Variants in PRDM15 observed in about 807,000 individuals in gnomAD.
PRDM15 encodes the protein PR domain zinc finger protein 15.
In PRDM15, 64 loss-of-function variants were observed where a neutral mutation model predicts 128.6. The observed-to-expected ratio is 0.50, with a 90% CI of 0.41 to 0.61. The LOEUF is 0.61. Ranked by LOEUF, PRDM15 falls within the 20% of genes least tolerant of loss-of-function variation. PRDM15 has a pLI of 0.00. For missense variants in PRDM15, 1,242 were observed against 1,569.1 expected (o/e 0.79, Z 3.52); for synonymous variants, 615 against 621.8 (o/e 0.99, Z 0.16).
chr21:41,831,301 T>G (rs2062682794), intron 11 of PRDM15, among the ~76,000 whole-genome samples: 1 of 152,228 alleles, frequency 6.6e-6, no homozygotes, highest in Non-Finnish European at 1.5e-5. Flanking sequence ...GGCCAGATCC[T>G]TTGTTGTGGG....
chr21:41,831,029 G>A (rs891518246), intron 11 of PRDM15, among the ~76,000 whole-genome samples: 2 of 152,234 alleles, frequency 1.3e-5, no homozygotes, highest in Non-Finnish European at 2.9e-5. Context: ...TCCCTGTGTC[G>A]CCAACGTGGG....
At position 41,801,425 on chromosome 21, in the gene PRDM15, G is replaced by A. The variant is rs769820638; in HGVS notation, c.3241C>T (p.Leu1081=). ...GTGATGGAGTTGACCAGGGTCGTCA[G>A]GTTGATGAAATGGGCCACAGACTGT... is the stretch of plus-strand genomic sequence containing the variant. The part of the protein sequence containing the change: ...NPQSVAHFIN[L]TTLVNSITPL... Residue 1081 remains leucine, a synonymous_variant, in exon 24 of 24, where the codon CTG becomes TTG. Coordinates refer to ENST00000398548, the MANE Select transcript of PRDM15 (RefSeq NM_001040424.3). 1.3e-5 allele frequency: 21 copies of A among 1,614,056 alleles called. No individual in the cohort carries two copies. The highest frequency in any genetic ancestry group is 1.7e-5 in the Non-Finnish European group (20 of 1,180,004).
chr21:41,819,519 C>T, intron 18 of PRDM15, 63 bp downstream of exon 18: 1 of 1,370,810 alleles, frequency 7.3e-7, no homozygotes, highest in Non-Finnish European at 9.8e-7. Context: ...ATGTCCCCTT[C>T]CAGCACCCTG....
intron 5 of PRDM15, among the ~76,000 whole-genome samples, chr21:41,853,643 CAA>C (rs934282091): frequency 6.6e-6 from 1 of 152,208 alleles, no homozygotes; most frequent in African/African-American, 2.4e-5. Flanking sequence ...GCTTGATGGG[CAA>C]AGTGATGCCC....
intron 1 of PRDM15, among the ~76,000 whole-genome samples, chr21:41,874,518 TA>T (rs764679481): frequency 0.076 from 5,938 of 78,574 alleles, 156 homozygotes; most frequent in South Asian, 0.11. Flanking sequence ...TATATATATA[TA>T]TATATATTTT....
intron 1 of PRDM15, among the ~76,000 whole-genome samples, chr21:41,868,840 C>T (rs1231138663): frequency 6.6e-6 from 1 of 151,848 alleles, no homozygotes; most frequent in Non-Finnish European, 1.5e-5. Flanking sequence ...CAGGTGCCCA[C>T]CACCATGCCC....
Position 41,859,539 on chromosome 21 carries a change from C to T in PRDM15, c.131+53G>A, listed in dbSNP as rs1601430808. On this transcript the variant is annotated intron_variant, in intron 3 of 23. Coordinates refer to ENST00000398548, the MANE Select transcript of PRDM15 (RefSeq NM_001040424.3). The surrounding 1 kb of genome is among the most constrained non-coding windows in gnomAD (Gnocchi z 5.3). ...GTCTGCAGACCCAAAGGCCACTAGG[C>T]TCCTGCCGCAGCTGGCATATGGAAG... The T allele has an allele frequency of 6.9e-7, 1 of 1,458,336 alleles. No individual in the cohort carries two copies. Among genetic ancestry groups the T allele is most frequent in the Non-Finnish European group, 9.6e-7 (1 of 1,045,648 alleles). 90.3% of individuals were successfully genotyped at this position (1,458,336 alleles called of 1,614,324 possible). A position where few individuals can be genotyped will look rare whatever the true frequency, so the allele number is the denominator to read the frequency against.
intron 1 of PRDM15, among the ~76,000 whole-genome samples, chr21:41,868,322 C>T (rs1209353062): frequency 2.0e-5 from 3 of 152,106 alleles, no homozygotes; most frequent in Non-Finnish European, 4.4e-5. Context: ...TTTGTACATA[C>T]GTTTTCATTT....
In PRDM15 at chr21:41,842,168, G is replaced by T. The variant is rs182118057; in HGVS notation, c.641-2315C>A. 3.5e-3 allele frequency among the ~76,000 whole-genome samples: 535 copies of T among 152,298 alleles called. 1 individual carries two copies. Among genetic ancestry groups the T allele is most frequent in the Non-Finnish European group, 5.4e-3 (370 of 68,024 alleles). Reference sequence around the variant, plus strand: ...GTGCTTTGAAAAGACTAATGATATTGATAAGTCTGGCAAGAAAAAATAGAG... The same window carrying T: ...GTGCTTTGAAAAGACTAATGATATTTATAAGTCTGGCAAGAAAAAATAGAG... On this transcript the variant is annotated intron_variant, in intron 6 of 23. Transcript: ENST00000398548.
At chr21:41,878,821 G>C in intron 1 of PRDM15, 5 of 1,113,620 alleles carry the variant, frequency 4.5e-6, no homozygotes, top group Non-Finnish European at 5.4e-6. Context: ...GCCGCCCGGC[G>C]GCGGGGGCCG....
At chr21:41,840,340 G>A (rs2146628772) in intron 6 of PRDM15, among the ~76,000 whole-genome samples, 1 of 152,146 alleles carries the variant, frequency 6.6e-6, no homozygotes, top group South Asian at 2.1e-4. Flanking sequence ...CAGCCACTGG[G>A]GAGGCTGAGG....
At chr21:41,819,430 C>T (rs1454108820) in intron 18 of PRDM15, 152 bp downstream of exon 18, 1 of 989,574 alleles carries the variant, frequency 1.0e-6, no homozygotes, top group Non-Finnish European at 1.5e-6. Context: ...CGCCTGTACC[C>T]ACCTTTCCCA....
At chr21:41,846,281 C>T (rs2063262087) in intron 6 of PRDM15, among the ~76,000 whole-genome samples, 1 of 152,250 alleles carries the variant, frequency 6.6e-6, no homozygotes. Context: ...GATTAGCCTC[C>T]TAAGACTTGT....
chr21:41,802,623 T>C, intron 23 of PRDM15, 89 bp downstream of exon 23: 3 of 1,075,394 alleles, frequency 2.8e-6, no homozygotes, highest in Non-Finnish European at 4.3e-6. Flanking sequence ...CTGTGTATAG[T>C]AAAAAGAGAT....
chr21:41,833,112 G>C (rs1568946707), intron 11 of PRDM15, among the ~76,000 whole-genome samples: 1 of 152,188 alleles, frequency 6.6e-6, no homozygotes, highest in South Asian at 2.1e-4. Flanking sequence ...GGGGATTATT[G>C]GGGGAGGCTG....
chr21:41,858,643 G>A (rs1473529319), intron 3 of PRDM15, among the ~76,000 whole-genome samples: 2 of 152,238 alleles, frequency 1.3e-5, no homozygotes, highest in Admixed American at 1.3e-4. Context: ...GGCCCCTCAG[G>A]GCGGGCAGGA....
chr21:41,802,770 G>A lies in PRDM15; in HGVS notation c.2885C>T (p.Thr962Met), dbSNP rs759095374. The A allele has an allele frequency of 3.7e-5, 59 of 1,614,050 alleles. No individual in the cohort carries two copies. The South Asian group carries it at 5.2e-4, about 14-fold the overall frequency. ...ATFSEYSEKE[T>M]EFTGSVGDET... ...GTCGCCTACACTGCCTGTGAACTCC[G>A]TCTCTTTCTCTGAGTATTCGCTGAA... Residue 962 changes from threonine (T) to methionine (M), a missense_variant, in exon 23 of 24, where the codon ACG becomes ATG. Thr to Met is a moderately conservative substitution (Grantham distance 81). Around this residue, in one of 3 missense-constraint regions of PRDM15, gnomAD observed 602 missense variants for 788.3 expected, o/e 0.76. Transcript: ENST00000398548.
chr21:41,822,214 G>T (rs981524182), intron 14 of PRDM15, among the ~76,000 whole-genome samples, 177 bp from the exon 15 acceptor site: 3 of 152,136 alleles, frequency 2.0e-5, no homozygotes, highest in Non-Finnish European at 1.5e-5. Flanking sequence ...TGTCCCCAGA[G>T]GTCCCCACCT....
intron 1 of PRDM15, among the ~76,000 whole-genome samples, chr21:41,865,572 T>G (rs2063979952): frequency 6.6e-6 from 1 of 152,154 alleles, no homozygotes; most frequent in African/African-American, 2.4e-5. Context: ...CAGTCCACCA[T>G]GGGGGTTCCA....
Sources: gnomAD v4.1 joint callset for allele counts (sites outside exome capture counted in the v4.1 genomes callset) on GRCh38, gnomAD v4.1.1 for gene constraint, gnomAD v4.1.1 regional missense constraint, Gnocchi (gnomAD v3.1) non-coding constraint, MANE v1.5 for transcripts, NCBI Gene and HGNC (gene_info 2026-07-23, HGNC 2026-07-21) for gene names.